DRICH1: variants seen among roughly 807,000 people sequenced by gnomAD.
The protein encoded by DRICH1 is aspartate-rich protein 1.
In DRICH1, 38 loss-of-function variants were observed where a neutral mutation model predicts 39.5. The observed-to-expected ratio is 0.96, with a 90% CI of 0.74 to 1.26. The LOEUF is 1.26. DRICH1 is among the 50% of genes most tolerant of loss of function. DRICH1 has a pLI of 0.00. For synonymous variants in DRICH1, 84 were observed against 99.5 expected (o/e 0.84, Z 0.93); for missense variants, 279 against 270.4 (o/e 1.03, Z -0.22).
chr22:23,629,009 T>A (rs1018391537), intron 1 of DRICH1, among the ~76,000 whole-genome samples: 1 of 152,056 alleles, frequency 6.6e-6, no homozygotes, highest in African/African-American at 2.4e-5. Context: ...CTGTTAGATA[T>A]TTCTCCTCCG....
the DRICH1 span, among the ~76,000 whole-genome samples, chr22:23,592,835 T>C: frequency 5.6e-3 from 759 of 135,212 alleles, 8 homozygotes; most frequent in African/African-American, 0.018. Flanking sequence ...CTATTAAAAA[T>C]ACACACACAC....
intron 11 of DRICH1, among the ~76,000 whole-genome samples, chr22:23,610,878 A>C (rs1926995549): frequency 6.8e-6 from 1 of 148,138 alleles, no homozygotes; most frequent in Non-Finnish European, 1.5e-5. Flanking sequence ...TTAACCTATT[A>C]TTAGATGGGC....
rs1009559291 is a variant in DRICH1 at position 23,624,754 on chromosome 22, A to G, written c.298+129T>C. 2.6e-6 allele frequency: 3 copies of G among 1,160,412 alleles called. No homozygotes were observed. In the African/African-American group the frequency reaches 4.6e-5, roughly 18 times the overall value. 71.9% of individuals were successfully genotyped at this position (1,160,412 alleles called of 1,614,324 possible). ...TTCTACATCCTCTCTGCTCATAATTATACACTCGCAGAATCATTTGCTCTC... is the reference window on the plus strand; with the variant it reads ...TTCTACATCCTCTCTGCTCATAATTGTACACTCGCAGAATCATTTGCTCTC... On this transcript the variant is annotated intron_variant, in intron 3 of 11. Transcript: ENST00000317749.
At chr22:23,607,546 G>C (rs1031877545), downstream of DRICH1, among the ~76,000 whole-genome samples, 35 of 150,540 alleles carry the variant, frequency 2.3e-4, 1 homozygote, top group African/African-American at 8.3e-4. Context: ...GGCGGGGGGG[G>C]GCCTCTTGCC....
intron 1 of DRICH1, among the ~76,000 whole-genome samples, chr22:23,627,155 C>T (rs1207936451): frequency 6.6e-6 from 1 of 151,046 alleles, no homozygotes; most frequent in Non-Finnish European, 1.5e-5. Context: ...TCACTGCAAC[C>T]TCTGCCTCCC....
chr22:23,616,712 C>T, intron 8 of DRICH1, 141 bp downstream of exon 8: 2 of 1,172,536 alleles, frequency 1.7e-6, no homozygotes, highest in East Asian at 2.4e-5. Flanking sequence ...TACAGCCCCT[C>T]TTCTCATAGC....
intron 1 of DRICH1, 38 bp from the exon 2 acceptor site, chr22:23,626,086 T>C (rs753584316): frequency 3.2e-5 from 48 of 1,486,772 alleles, no homozygotes; most frequent in Non-Finnish European, 4.0e-5. Flanking sequence ...GCCCTGGTGG[T>C]TGGAGACTGG....
rs1301348716 is a variant in DRICH1, at chr22:23,617,624, A to G, written c.470T>C (p.Leu157Pro). Residue 157 changes from leucine (L) to proline (P), a missense_variant, in exon 7 of 12, where the codon CTA (leucine) becomes CCA (proline). Leu to Pro is a moderately conservative substitution (Grantham distance 98). Coordinates refer to ENST00000317749, the MANE Select transcript of DRICH1 (RefSeq NM_016449.4). ...SSEDNLSLVCLPRSEDDDCDD... is the reference protein window; with the variant it reads ...SSEDNLSLVCPPRSEDDDCDD... Reference sequence around the variant, plus strand: ...ACAGTCATCATCTTCACTTCGTGGTAGGCATACTAAACTCAGGTTGTCCTC... The same window carrying G: ...ACAGTCATCATCTTCACTTCGTGGTGGGCATACTAAACTCAGGTTGTCCTC... 1.2e-6 allele frequency: 2 copies of G among 1,614,064 alleles called. No individual in the cohort carries two copies. The highest frequency in any genetic ancestry group is 8.5e-7 in the Non-Finnish European group (1 of 1,180,026).
intron 1 of DRICH1, chr22:23,630,538 A>G (rs1928327221): frequency 1.3e-5 from 2 of 152,172 alleles, no homozygotes; most frequent in Non-Finnish European, 1.5e-5. Flanking sequence ...TTATTAGAAG[A>G]ATGACATGAC....
At chr22:23,613,364 G>C (rs779037716) in intron 10 of DRICH1, 34 bp from the exon 11 acceptor site, 1 of 1,562,186 alleles carries the variant, frequency 6.4e-7, no homozygotes, top group Non-Finnish European at 8.8e-7. Context: ...TAAGTCATTA[G>C]AGAGAGTGAC....
downstream of DRICH1, among the ~76,000 whole-genome samples, chr22:23,604,079 C>A (rs941023576): frequency 2.5e-4 from 38 of 152,156 alleles, no homozygotes; most frequent in African/African-American, 8.9e-4. Flanking sequence ...CACCACAACA[C>A]CCTCCATGGG....
At chr22:23,597,148 C>A in the DRICH1 span, among the ~76,000 whole-genome samples, 23,926 of 95,570 alleles carry the variant, frequency 0.25, 3,794 homozygotes, top group East Asian at 0.36. Context: ...CTTTTCCTTC[C>A]TGCCTTGCCT....
chr22:23,612,541 C>G (rs1927101496), intron 11 of DRICH1, among the ~76,000 whole-genome samples: 1 of 150,636 alleles, frequency 6.6e-6, no homozygotes, highest in Non-Finnish European at 1.5e-5. Context: ...AAACCAAAGC[C>G]AAATTTTTGA....
chr22:23,620,757 G>A, intron 4 of DRICH1, 142 bp from the exon 5 acceptor site: 1 of 922,938 alleles, frequency 1.1e-6, no homozygotes, highest in South Asian at 1.4e-5. Context: ...AAACATTCTA[G>A]CATAGAGAAC....
intron 8 of DRICH1, among the ~76,000 whole-genome samples, chr22:23,616,563 G>A (rs535592961): frequency 6.6e-6 from 1 of 152,266 alleles, no homozygotes; most frequent in East Asian, 1.9e-4. Flanking sequence ...CTTCCCTGCT[G>A]AGATTCTCCA....
chr22:23,625,276 T>C (rs748857961), intron 2 of DRICH1, among the ~76,000 whole-genome samples: 3 of 152,222 alleles, frequency 2.0e-5, no homozygotes, highest in African/African-American at 2.4e-5. Context: ...GACAATTGTG[T>C]ACGTTGTACA....
downstream of DRICH1, among the ~76,000 whole-genome samples, chr22:23,605,496 TGTGGAGGCG>T (rs1926677349): frequency 6.6e-6 from 1 of 151,440 alleles, no homozygotes; most frequent in South Asian, 2.1e-4. Context: ...GGGGAAAGGG[TGTGGAGGCG>T]GCACATACAT....
the DRICH1 span, among the ~76,000 whole-genome samples, chr22:23,596,829 G>A: frequency 1.2e-4 from 19 of 152,150 alleles, no homozygotes; most frequent in Admixed American, 2.6e-4. Context: ...GGAAGAATCT[G>A]TATTCTGTGA....
chr22:23,588,065 C>A, the DRICH1 span, among the ~76,000 whole-genome samples: 1 of 152,196 alleles, frequency 6.6e-6, no homozygotes, highest in African/African-American at 2.4e-5. Flanking sequence ...GGCCTCTTCT[C>A]CACAGCAGTA....
Sources: gnomAD v4.1 joint callset for allele counts (sites outside exome capture counted in the v4.1 genomes callset) on GRCh38, gnomAD v4.1.1 for gene constraint, MANE v1.5 for transcripts, NCBI Gene and HGNC (gene_info 2026-07-23, HGNC 2026-07-21) for gene names.